Variants in PABIR3 observed in about 807,000 individuals in gnomAD.
PABIR3 encodes the protein PABIR family member 1.
Under a neutral mutation model 23.1 loss-of-function variants are expected in PABIR3, and 20 were observed. That is an observed-to-expected ratio of 0.86 (90% CI 0.61 to 1.26). PABIR3 has a LOEUF of 1.26. Among genes scored for constraint, PABIR3 ranks in the 50% most tolerant of loss-of-function variants. PABIR3 has a pLI of 0.00. For missense variants in PABIR3, 189 were observed against 195.4 expected (o/e 0.97, Z 0.20); for synonymous variants, 69 against 68.5 (o/e 1.01, Z -0.04).
At chrX:134,803,806 C>G (rs1370213166), upstream of PABIR3, among the ~76,000 whole-genome samples, 2 of 111,881 alleles carry the variant, frequency 1.8e-5, no homozygotes, top group African/African-American at 6.5e-5. Flanking sequence ...CACATGCATG[C>G]ACTGACCTCA....
At chrX:134,824,170 G>A (rs1393249432) in intron 3 of PABIR3, among the ~76,000 whole-genome samples, 1 of 111,888 alleles carries the variant, frequency 8.9e-6, no homozygotes, top group African/African-American at 3.2e-5. Context: ...AAGAGCCTTC[G>A]TTACGTGTAT....
chrX:134,830,196 C>T (rs2081703793), intron 4 of PABIR3, among the ~76,000 whole-genome samples: 1 of 110,761 alleles, frequency 9.0e-6, no homozygotes, highest in Admixed American at 9.8e-5. Flanking sequence ...ATAATACCAT[C>T]TTGTAATCCT....
chrX:134,856,798 G>A (rs776327542), downstream of PABIR3, among the ~76,000 whole-genome samples: 2 of 110,762 alleles, frequency 1.8e-5, no homozygotes, highest in South Asian at 7.8e-4. Flanking sequence ...GTCATCTGAT[G>A]TCAAGAGTTC....
chrX:134,859,317 A>T (rs1448837209), downstream of PABIR3, among the ~76,000 whole-genome samples: 1 of 111,915 alleles, frequency 8.9e-6, no homozygotes, highest in Non-Finnish European at 1.9e-5. Flanking sequence ...GAAATTAGAG[A>T]GCTTTATACC....
intron 9 of PABIR3, among the ~76,000 whole-genome samples, chrX:134,851,664 T>C (rs1175911947): frequency 1.8e-5 from 2 of 112,199 alleles, no homozygotes; most frequent in Non-Finnish European, 1.9e-5. Flanking sequence ...CTAATTTTCT[T>C]TTATGAGGAA....
chrX:134,846,375 A>G (rs1409699679), intron 6 of PABIR3, among the ~76,000 whole-genome samples: 1 of 112,164 alleles, frequency 8.9e-6, no homozygotes. Flanking sequence ...ACATTTTAAT[A>G]TAAAACCTTT....
At chrX:134,850,104 ACCT>A (rs1365151685) in intron 9 of PABIR3, among the ~76,000 whole-genome samples, 1 of 108,552 alleles carries the variant, frequency 9.2e-6, no homozygotes, top group Non-Finnish European at 1.9e-5. Context: ...CGAACTCCTG[ACCT>A]CAGGTGATCC....
intron 2 of PABIR3, among the ~76,000 whole-genome samples, chrX:134,812,848 A>T (rs1371334391): frequency 8.9e-6 from 1 of 111,837 alleles, no homozygotes; most frequent in Admixed American, 9.5e-5. Context: ...CAGAGAACTG[A>T]ATGGTCCACT....
chrX:134,814,976 C>A, intron 3 of PABIR3, 127 bp downstream of exon 3: 1 of 488,538 alleles, frequency 2.0e-6, no homozygotes, highest in Middle Eastern at 3.7e-4. Flanking sequence ...GGGAGTCTCA[C>A]CCCCAGGGTT....
At chrX:134,832,463 G>A (rs1391452634) in intron 4 of PABIR3, among the ~76,000 whole-genome samples, 14 of 82,775 alleles carry the variant, frequency 1.7e-4, no homozygotes, top group African/African-American at 6.7e-4. Flanking sequence ...GTACAGTGGC[G>A]CCATCTCAGC....
At chrX:134,800,128 G>C (rs1446407500) in intron 1 of PABIR3, among the ~76,000 whole-genome samples, 1 of 109,099 alleles carries the variant, frequency 9.2e-6, no homozygotes, top group African/African-American at 3.4e-5. Flanking sequence ...GTGAAACCCT[G>C]TCTATACTAA....
At chrX:134,857,123 A>G (rs2082754453), downstream of PABIR3, among the ~76,000 whole-genome samples, 1 of 112,558 alleles carries the variant, frequency 8.9e-6, no homozygotes, top group African/African-American at 3.2e-5. Context: ...CAGGGCTGCC[A>G]TAACAAAGCA....
upstream of PABIR3, among the ~76,000 whole-genome samples, chrX:134,806,149 T>A (rs775498657): frequency 1.8e-5 from 2 of 112,275 alleles, no homozygotes; most frequent in Non-Finnish European, 3.8e-5. Context: ...TCTTAGAATG[T>A]ATGTAGCTTC....
intron 3 of PABIR3, among the ~76,000 whole-genome samples, chrX:134,821,020 T>A (rs2081247522): frequency 9.6e-6 from 1 of 103,854 alleles, no homozygotes; most frequent in Non-Finnish European, 1.9e-5. Flanking sequence ...AGACTCCATA[T>A]GAAAAAAATA....
downstream of PABIR3, among the ~76,000 whole-genome samples, chrX:134,856,336 C>G (rs888543434): frequency 9.1e-6 from 1 of 110,423 alleles, no homozygotes; most frequent in Non-Finnish European, 1.9e-5. Context: ...CAGGCGCATG[C>G]CACCATGCCC....
At chrX:134,863,258 G>T in the PABIR3 span, among the ~76,000 whole-genome samples, 1 of 111,547 alleles carries the variant, frequency 9.0e-6, no homozygotes, top group Admixed American at 9.6e-5. Context: ...TAATAAAAAA[G>T]AAAGAAAAAT....
chrX:134,804,061 A>G (rs1446310382), upstream of PABIR3: 18 of 392,671 alleles, frequency 4.6e-5, no homozygotes, highest in East Asian at 7.6e-4. Context: ...TGGTAAAATA[A>G]AGAGCTGATT....
intron 3 of PABIR3, among the ~76,000 whole-genome samples, chrX:134,828,043 CTCTCTATA>C (rs1266918377): frequency 7.7e-4 from 51 of 66,617 alleles, no homozygotes; most frequent in Admixed American, 2.6e-3. Flanking sequence ...CTCTCTCTCT[CTCTCTATA>C]TATATATATA....
chrX:134,825,526 T>A (rs2148229164), intron 3 of PABIR3, among the ~76,000 whole-genome samples: 1 of 112,334 alleles, frequency 8.9e-6, no homozygotes, highest in Admixed American at 9.5e-5. Context: ...CAGAAAAGAT[T>A]TCTGACTTTT....
Sources: allele counts gnomAD v4.1 joint callset (sites outside exome capture counted in the v4.1 genomes callset), GRCh38; gene constraint gnomAD v4.1.1; transcripts MANE v1.5; gene names NCBI Gene and HGNC (gene_info 2026-07-23, HGNC 2026-07-21).